The following USH1C variants were observed in gnomAD, a reference collection of about 807,000 sequenced individuals.
USH1C encodes the protein harmonin.
In USH1C, 90 loss-of-function variants were observed where a neutral mutation model predicts 119.3. That is an observed-to-expected ratio of 0.75 (90% confidence interval 0.64 to 0.90). USH1C has a LOEUF of 0.90. Ranked by LOEUF, USH1C falls within the 40% of genes least tolerant of loss-of-function variation. The pLI is 0.00. For synonymous variants in USH1C, 465 were observed against 443.3 expected, an observed-to-expected ratio of 1.05 and a Z score of -0.62; for missense variants, 1,165 against 1,167.7, an observed-to-expected ratio of 1.00 and a Z score of 0.03.
Position 17,526,290 on chromosome 11 carries a change from A to C in USH1C, c.674+57T>G. On this transcript the variant is annotated intron_variant, in intron 8 of 26. Coordinates refer to ENST00000005226, the MANE Select transcript of USH1C (RefSeq NM_153676.4). ...TGGCAGTGAGGAAGGGGAGGGCAAT[A>C]GGGGCCTGCTGGGGTGCACTGGCCA... 2.8e-6 allele frequency: 4 copies of C among 1,448,430 alleles called. No homozygotes were observed. The South Asian group carries it at 4.6e-5, about 17-fold the overall frequency. 89.7% of individuals were successfully genotyped at this position (1,448,430 alleles called of 1,614,324 possible).
At chr11:17,543,672 G>C (rs1393044602) in intron 1 of USH1C, among the ~76,000 whole-genome samples, 1 of 152,152 alleles carries the variant, frequency 6.6e-6, no homozygotes, top group Admixed American at 6.5e-5. Flanking sequence ...GGATCTGGCC[G>C]GCCAGAGCCC....
intron 26 of USH1C, 41 bp downstream of exon 26, chr11:17,495,528 G>T: frequency 6.3e-7 from 1 of 1,593,298 alleles, no homozygotes; most frequent in Non-Finnish European, 8.6e-7. Context: ...ACTGCAAGCA[G>T]CAGGGACACA....
intron 8 of USH1C, among the ~76,000 whole-genome samples, chr11:17,525,549 C>T (rs1436805042): frequency 6.6e-6 from 1 of 152,208 alleles, no homozygotes; most frequent in East Asian, 1.9e-4. Flanking sequence ...AACTGAGGCT[C>T]AAAGTGGTTA....
intron 18 of USH1C, among the ~76,000 whole-genome samples, chr11:17,506,360 T>C (rs76408426): frequency 0.036 from 5,545 of 152,262 alleles, 329 homozygotes; most frequent in African/African-American, 0.13. Flanking sequence ...TGTTCCTAGT[T>C]GGTAGGCACA....
In USH1C at chr11:17,501,486, T is replaced by C. The variant is rs1432013715; in HGVS notation, c.2276A>G (p.Lys759Arg). ...GGCCTCCACATGCCCAGGTACCTTCTTGATGCGTAGGAGCCGGACATCCTT... is the reference window on the plus strand; with the variant it reads ...GGCCTCCACATGCCCAGGTACCTTCCTGATGCGTAGGAGCCGGACATCCTT... ...MGKDVRLLRI[K>R]KEGSLDLALE... is the part of the protein sequence containing the mutation. The change falls in exon 22 of 27, where the codon AAG (lysine) becomes AGG (arginine). Residue 759 changes from lysine (K) to arginine (R), a missense_variant. Transcript: ENST00000005226. 6 of 1,613,038 alleles carry C rather than the reference T, an allele frequency of 3.7e-6. No homozygotes were observed. Among genetic ancestry groups the C allele is most frequent in the Non-Finnish European group, 4.2e-6 (5 of 1,179,592 alleles).
intron 14 of USH1C, among the ~76,000 whole-genome samples, chr11:17,519,212 G>A (rs982428033): frequency 6.6e-6 from 1 of 152,196 alleles, no homozygotes; most frequent in Non-Finnish European, 1.5e-5. Context: ...GAGGTGAGCT[G>A]GCTCAGGGAC....
intron 18 of USH1C, among the ~76,000 whole-genome samples, chr11:17,506,597 T>G (rs1474543146): frequency 1.3e-5 from 2 of 152,208 alleles, no homozygotes; most frequent in African/African-American, 4.8e-5. Flanking sequence ...TTCAGCCTTA[T>G]CTCTCACTCC....
Position 17,526,444 on chromosome 11 carries a change from G to C in USH1C, c.580-3C>G. 1 of 1,613,568 alleles carries C rather than the reference G, an allele frequency of 6.2e-7. No homozygotes were observed. The highest frequency in any genetic ancestry group is 1.1e-5 in the South Asian group (1 of 91,030). On this transcript the variant is annotated splice_polypyrimidine_tract_variant and splice_region_variant and intron_variant, in intron 7 of 26. Coordinates refer to ENST00000005226, the MANE Select transcript of USH1C (RefSeq NM_153676.4). ...GAGCCCAGGCTGCCTCGCACGCCCT[G>C]AAAGAGAGATAGAAGCAGAATCACG...
At chr11:17,532,448 C>T (rs942695129) in intron 2 of USH1C, among the ~76,000 whole-genome samples, 1 of 152,138 alleles carries the variant, frequency 6.6e-6, no homozygotes, top group Non-Finnish European at 1.5e-5. Flanking sequence ...CAGGCACGCG[C>T]CACCATACCC....
intron 1 of USH1C, among the ~76,000 whole-genome samples, chr11:17,535,265 A>G (rs1451382733): frequency 1.3e-5 from 2 of 152,144 alleles, no homozygotes; most frequent in Non-Finnish European, 2.9e-5. Context: ...TCCTGGCTAC[A>G]AAGTCCTCCT....
intron 1 of USH1C, among the ~76,000 whole-genome samples, chr11:17,535,589 C>G (rs1364020343): frequency 6.6e-6 from 1 of 152,156 alleles, no homozygotes; most frequent in Non-Finnish European, 1.5e-5. Context: ...TCGTGCCCAA[C>G]ACATAATAAG....
At chr11:17,535,732 G>A (rs1851209840) in intron 1 of USH1C, among the ~76,000 whole-genome samples, 1 of 152,134 alleles carries the variant, frequency 6.6e-6, no homozygotes, top group Admixed American at 6.5e-5. Flanking sequence ...TGCCCCATGC[G>A]GTGGCACCAG....
intron 15 of USH1C, among the ~76,000 whole-genome samples, chr11:17,515,551 C>T (rs1850105953): frequency 6.6e-6 from 1 of 152,108 alleles, no homozygotes; most frequent in Non-Finnish European, 1.5e-5. Context: ...TATGCTGCTG[C>T]CTGACCTCCA....
At chr11:17,524,378 C>T (rs1214552318) in intron 9 of USH1C, 73 bp downstream of exon 9, 1 of 1,498,868 alleles carries the variant, frequency 6.7e-7, no homozygotes, top group Non-Finnish European at 9.1e-7. Context: ...GGCACCTGCC[C>T]CTGTCACCGC....
rs1253714290 is a variant in USH1C, at chr11:17,524,542, G to A, written c.675-7C>T. On this transcript the variant is annotated splice_region_variant and splice_polypyrimidine_tract_variant and intron_variant, in intron 8 of 26. Transcript: ENST00000005226. ...GATGGGGCCGCTGGAAATGCTGCGG[G>A]AGGTGGGAAATGTGTGCTCGGGATT... is the stretch of plus-strand genomic sequence containing the variant. The A allele has an allele frequency of 6.4e-7, 1 of 1,556,152 alleles. No individual in the cohort carries two copies. Among genetic ancestry groups the A allele is most frequent in the Admixed American group, 1.9e-5 (1 of 52,062 alleles).
chr11:17,533,631 C>A, intron 1 of USH1C: 1 of 538,484 alleles, frequency 1.9e-6, no homozygotes, highest in South Asian at 1.7e-5. Flanking sequence ...TGTGAATCCC[C>A]ATGTGACAGT....
At chr11:17,506,443 G>T (rs1849650870) in intron 18 of USH1C, among the ~76,000 whole-genome samples, 1 of 152,192 alleles carries the variant, frequency 6.6e-6, no homozygotes, top group African/African-American at 2.4e-5. Flanking sequence ...CTGTCTGCTT[G>T]GCTCTAACCC....
chr11:17,517,467 C>T lies in USH1C; in HGVS notation c.1211-1177G>A, dbSNP rs928672021. 3 of 1,592,504 alleles carry T rather than the reference C, an allele frequency of 1.9e-6. No individual in the cohort carries two copies. In the East Asian group the frequency reaches 6.8e-5, roughly 36 times the overall value. On this transcript the variant is annotated intron_variant, in intron 14 of 26. Transcript: ENST00000005226. ...CGGGCTCGAGCTCAGGTTCCACTCC[C>T]TGATCATCTACCCAGGGAAAAGAGG...
chr11:17,512,728 A>AG (rs1226137465), intron 15 of USH1C, among the ~76,000 whole-genome samples: 1 of 152,226 alleles, frequency 6.6e-6, no homozygotes. Context: ...TGGAGAGTCT[A>AG]GACCCACAGT....
Sources: gnomAD v4.1 joint callset for allele counts (sites outside exome capture counted in the v4.1 genomes callset) on GRCh38, gnomAD v4.1.1 for gene constraint, MANE v1.5 for transcripts, NCBI Gene and HGNC (gene_info 2026-07-23, HGNC 2026-07-21) for gene names.